Variants in GGT1 observed in about 807,000 individuals in gnomAD.
GGT1 encodes glutathione hydrolase 1 proenzyme.
Under a neutral mutation model 56.0 loss-of-function variants are expected in GGT1, and 21 were observed. That is an observed-to-expected ratio of 0.38 (90% CI 0.27 to 0.54). The LOEUF (loss-of-function observed/expected upper bound fraction) is 0.54. Ranked by LOEUF, GGT1 falls within the 20% of genes least tolerant of loss-of-function variation. The pLI is 0.82. For synonymous variants in GGT1, 238 were observed against 342.6 expected, an observed-to-expected ratio of 0.69 and a Z score of 3.37; for missense variants, 466 against 787.0, an observed-to-expected ratio of 0.59 and a Z score of 4.88.
At chr22:24,586,143 C>T in the GGT1 span, 1 of 1,613,396 alleles carries the variant, frequency 6.2e-7, no homozygotes. Context: ...TCCTTGATGG[C>T]ATCAGTGAGC....
chr22:24,611,626 G>T (rs2046699729), intron 5 of GGT1, among the ~76,000 whole-genome samples: 1 of 151,026 alleles, frequency 6.6e-6, no homozygotes, highest in South Asian at 2.1e-4. Flanking sequence ...TTTATTTAGA[G>T]ATGGAGTTTT....
upstream of GGT1, chr22:24,599,340 A>G (rs958049092): frequency 6.6e-6 from 1 of 150,888 alleles, no homozygotes; most frequent in Non-Finnish European, 1.5e-5. Flanking sequence ...AGGAAAGGAT[A>G]GCTCATATCC....
chr22:24,606,236 C>T (rs528137126), intron 1 of GGT1, among the ~76,000 whole-genome samples: 1 of 149,398 alleles, frequency 6.7e-6, no homozygotes, highest in Non-Finnish European at 1.5e-5. Context: ...GTGCTGCACC[C>T]ATTAACTTGT....
intron 1 of GGT1, among the ~76,000 whole-genome samples, chr22:24,607,402 G>A (rs1178714710): frequency 1.3e-5 from 2 of 152,222 alleles, no homozygotes; most frequent in African/African-American, 2.4e-5. Flanking sequence ...GAGAGCCAGA[G>A]GGAACCAGCC....
intron 1 of GGT1, among the ~76,000 whole-genome samples, chr22:24,597,790 A>C (rs1408069123): frequency 6.6e-6 from 1 of 152,220 alleles, no homozygotes. Flanking sequence ...GGATTCTCCC[A>C]CACACCCAGC....
chr22:24,610,125 C>G (rs4049908), intron 3 of GGT1, 92 bp downstream of exon 3: 4,051 of 394,690 alleles, frequency 0.01, 518 homozygotes, highest in African/African-American at 0.065. Context: ...TCCTGGGCTT[C>G]TGCAGGAATG....
At chr22:24,611,603 AT>A (rs1330782546) in intron 5 of GGT1, among the ~76,000 whole-genome samples, 2 of 145,670 alleles carry the variant, frequency 1.4e-5, no homozygotes, top group Non-Finnish European at 3.0e-5. Context: ...TCTATCTACT[AT>A]CTATCTATCT....
the GGT1 span, among the ~76,000 whole-genome samples, chr22:24,587,828 G>A: frequency 4.6e-5 from 7 of 152,270 alleles, no homozygotes; most frequent in Middle Eastern, 3.4e-3. Flanking sequence ...TCTAAAATGA[G>A]AATCGCGATC....
chr22:24,589,801 C>A, the GGT1 span: 1 of 1,602,804 alleles, frequency 6.2e-7, no homozygotes, highest in Admixed American at 1.7e-5. Flanking sequence ...CAGCCCAGGG[C>A]CCGTGCCTGC....
At position 24,611,235 on chromosome 22, in the gene GGT1, A is replaced by G. The variant is rs2330838; in HGVS notation, c.154A>G (p.Lys52Glu). ...GGCCGCGGATGCCAAGCAGTGCTCG[A>G]AGATTGGGAGGTGAGCAGGGCAGGG... Reference protein sequence around the residue: ...AVAADAKQCSKIGRDALRDGG... With the variant: ...AVAADAKQCSEIGRDALRDGG... The change falls in exon 5 of 16, where the codon AAG becomes GAG. Residue 52 changes from lysine (K) to glutamate (E), a missense_variant. Transcript: ENST00000400382. 3.6e-3 allele frequency: 5,454 copies of G among 1,533,526 alleles called. 19 individuals carry two copies. Among genetic ancestry groups the G allele is most frequent in the Admixed American group, 6.4e-3 (281 of 44,044 alleles). 95.0% of individuals were successfully genotyped at this position (1,533,526 alleles called of 1,614,324 possible). A position where few individuals can be genotyped will look rare whatever the true frequency, so the allele number is the denominator to read the frequency against.
the GGT1 span, chr22:24,585,576 A>G: frequency 2.3e-6 from 1 of 427,796 alleles, no homozygotes; most frequent in Non-Finnish European, 4.2e-6. Flanking sequence ...CTTTCTCCCC[A>G]CCCCAGCAGC....
upstream of GGT1, among the ~76,000 whole-genome samples, chr22:24,600,887 A>G (rs1179688332): frequency 6.6e-6 from 1 of 152,226 alleles, no homozygotes; most frequent in African/African-American, 2.4e-5. Flanking sequence ...GTTGGTAAGA[A>G]CTTGCCAGCC....
chr22:24,593,154 C>A, upstream of GGT1: 1 of 983,496 alleles, frequency 1.0e-6, no homozygotes, highest in Non-Finnish European at 1.2e-6. Context: ...CCGTCCGGGT[C>A]CGAAGGCTGA....
chr22:24,593,791 AAAAAAAAAAG>A (rs542762931), upstream of GGT1, among the ~76,000 whole-genome samples: 11 of 150,684 alleles, frequency 7.3e-5, no homozygotes, highest in Admixed American at 3.3e-4. Context: ...TGTCTCAAAA[AAAAAAAAAAG>A]AAAAGAAAAG....
chr22:24,613,028 T>C (rs2046819668), intron 5 of GGT1, among the ~76,000 whole-genome samples: 1 of 152,174 alleles, frequency 6.6e-6, no homozygotes, highest in South Asian at 2.1e-4. Flanking sequence ...TTATCTCATG[T>C]TATATACAAA....
At chr22:24,590,788 C>T (rs918098853), upstream of GGT1, among the ~76,000 whole-genome samples, 2 of 152,174 alleles carry the variant, frequency 1.3e-5, no homozygotes, top group Non-Finnish European at 2.9e-5. Context: ...CCAGCCTCAC[C>T]ACCCATGCCC....
At chr22:24,618,590 C>A (rs1460052564) in intron 7 of GGT1, among the ~76,000 whole-genome samples, 1 of 152,164 alleles carries the variant, frequency 6.6e-6, no homozygotes, top group Non-Finnish European at 1.5e-5. Flanking sequence ...GACTCCATCT[C>A]AAAAACAAAC....
chr22:24,592,301 C>G (rs1021561237), upstream of GGT1: 55 of 468,970 alleles, frequency 1.2e-4, no homozygotes, highest in Middle Eastern at 7.4e-4. Context: ...GGGCATGAGC[C>G]GCCTGTTGGA....
intron 7 of GGT1, among the ~76,000 whole-genome samples, chr22:24,619,477 G>A (rs1326384554): frequency 1.3e-5 from 2 of 151,994 alleles, no homozygotes; most frequent in African/African-American, 4.8e-5. Flanking sequence ...GCTGAGGTAG[G>A]AGGATCGCTT....
Sources: gnomAD v4.1 joint callset for allele counts (sites outside exome capture counted in the v4.1 genomes callset) on GRCh38, gnomAD v4.1.1 for gene constraint, MANE v1.5 for transcripts, NCBI Gene and HGNC (gene_info 2026-07-23, HGNC 2026-07-21) for gene names.